The following CACNA1C variants were observed in gnomAD, a reference collection of about 807,000 sequenced individuals.
The protein encoded by CACNA1C is voltage-dependent L-type calcium channel subunit alpha-1C.
In CACNA1C, 30 loss-of-function variants were observed where a neutral mutation model predicts 229.0. That is an observed-to-expected ratio of 0.13 (90% CI 0.10 to 0.18). CACNA1C has a LOEUF of 0.18. Ranked by LOEUF, CACNA1C falls within the 10% of genes least tolerant of loss-of-function variation. The probability of loss-of-function intolerance (pLI) is 1.00; values close to 1 mark genes in which losing one functional copy is unlikely to be tolerated. For synonymous variants in CACNA1C, 1,114 were observed against 1,132.5 expected (o/e 0.98, Z 0.33); for missense variants, 1,658 against 2,845.0 (o/e 0.58, Z 9.49).
intron 1 of CACNA1C, chr12:1,991,279 A>C: frequency 2.2e-6 from 1 of 454,902 alleles, no homozygotes; most frequent in Non-Finnish European, 4.4e-6. Context: ...TCTACTCCAC[A>C]AAATTGTGAT....
Position 2,667,925 on chromosome 12 carries a change from C to A in CACNA1C, c.4624-1008C>A, listed in dbSNP as rs185685245. Among the ~76,000 whole-genome samples, 18 of 152,316 alleles carry A rather than the reference C, an allele frequency of 1.2e-4. No homozygotes were observed. In the East Asian group the frequency reaches 3.1e-3, roughly 26 times the overall value. ...TTCACACCGCGCTTGCTCGTCATGACCCATTGCATGCTGAAGGCCCCACAC... is the reference window on the plus strand; with the variant it reads ...TTCACACCGCGCTTGCTCGTCATGAACCATTGCATGCTGAAGGCCCCACAC... On this transcript the variant is annotated intron_variant, in intron 37 of 46. Coordinates refer to ENST00000399655, the MANE Select transcript of CACNA1C (RefSeq NM_000719.7).
intron 3 of CACNA1C, among the ~76,000 whole-genome samples, chr12:2,262,813 T>C (rs2080842532): frequency 6.6e-6 from 1 of 152,160 alleles, no homozygotes; most frequent in African/African-American, 2.4e-5. Flanking sequence ...TTAAATGTTA[T>C]CTGAATGCCC....
rs1228356316 is a variant in CACNA1C, at chr12:2,370,436, AGAG to A, written c.478-78536_478-78534del. Among the ~76,000 whole-genome samples, 7 of 152,362 alleles carry A rather than the reference AGAG, an allele frequency of 4.6e-5. No individual in the cohort carries two copies. In the South Asian group the frequency reaches 1.0e-3, roughly 23 times the overall value. On this transcript the variant is annotated intron_variant, in intron 3 of 46. Transcript: ENST00000399655. ...TCAGCTCATGTATAACAGCAAGAAA[AGAG>A]GAGAGAACCTAACATCAAAGGGGAA...
chr12:2,544,816 C>T (rs191522937), intron 9 of CACNA1C, among the ~76,000 whole-genome samples: 269 of 152,316 alleles, frequency 1.8e-3, no homozygotes, highest in Non-Finnish European at 2.9e-3. Flanking sequence ...TAGCCCAATT[C>T]GTTCAACTTT....
chr12:1,986,920 C>G (rs2037956011), intron 1 of CACNA1C, among the ~76,000 whole-genome samples: 1 of 152,078 alleles, frequency 6.6e-6, no homozygotes, highest in Non-Finnish European at 1.5e-5. Context: ...TTGGATGATG[C>G]CAGAAGTTCA....
intron 3 of CACNA1C, among the ~76,000 whole-genome samples, chr12:2,369,946 C>T (rs1050455024): frequency 1.3e-5 from 2 of 152,168 alleles, no homozygotes; most frequent in African/African-American, 4.8e-5. Flanking sequence ...AAGGCAAACA[C>T]ACACTGGGAA....
At chr12:2,044,485 C>T (rs1161170318) in intron 1 of CACNA1C, among the ~76,000 whole-genome samples, 1 of 152,128 alleles carries the variant, frequency 6.6e-6, no homozygotes, top group African/African-American at 2.4e-5. Context: ...CTTCCCCGCC[C>T]CCAGGTACTT....
chr12:2,658,994 A>T (rs773077399), intron 34 of CACNA1C, among the ~76,000 whole-genome samples: 1 of 152,264 alleles, frequency 6.6e-6, no homozygotes, highest in East Asian at 1.9e-4. Flanking sequence ...TTAAAAGTTT[A>T]TAAAGTAAAA....
At chr12:2,001,874 G>A (rs781418922) in intron 1 of CACNA1C, among the ~76,000 whole-genome samples, 2 of 152,116 alleles carry the variant, frequency 1.3e-5, no homozygotes, top group Non-Finnish European at 2.9e-5. Context: ...AACCAAAAAC[G>A]TCTCCAGACA....
chr12:2,003,765 CTCTT>C (rs1051300802), intron 1 of CACNA1C, among the ~76,000 whole-genome samples: 2 of 152,178 alleles, frequency 1.3e-5, no homozygotes, highest in African/African-American at 4.8e-5. Flanking sequence ...ACGAGGTTGG[CTCTT>C]TTCTTGGTGT....
chr12:2,007,886 T>C (rs559158160), intron 1 of CACNA1C, among the ~76,000 whole-genome samples: 3 of 152,322 alleles, frequency 2.0e-5, no homozygotes, highest in Admixed American at 2.0e-4. Context: ...CGATTTTTCT[T>C]GTGGCACTTA....
At chr12:2,439,295 CCT>C (rs1398250018) in intron 3 of CACNA1C, among the ~76,000 whole-genome samples, 2 of 152,164 alleles carry the variant, frequency 1.3e-5, no homozygotes, top group African/African-American at 2.4e-5. Context: ...TTGATCATGC[CCT>C]CTGTACTGTT....
intron 3 of CACNA1C, among the ~76,000 whole-genome samples, chr12:2,206,816 C>T (rs2097768599): frequency 6.6e-6 from 1 of 152,174 alleles, no homozygotes; most frequent in African/African-American, 2.4e-5. Context: ...CAGATTTATC[C>T]TGCAGACCAT....
intron 3 of CACNA1C, among the ~76,000 whole-genome samples, chr12:2,246,060 A>T (rs2073065399): frequency 6.6e-6 from 1 of 152,170 alleles, no homozygotes; most frequent in Admixed American, 6.5e-5. Context: ...TGGACATAGA[A>T]CCAGGCCCCC....
At chr12:2,400,480 C>T (rs138181880) in intron 3 of CACNA1C, among the ~76,000 whole-genome samples, 114 of 152,222 alleles carry the variant, frequency 7.5e-4, no homozygotes, top group Non-Finnish European at 1.3e-3. Flanking sequence ...CTCCTTTTAC[C>T]GAATAATTTC....
At chr12:2,185,111 C>T (rs2096957963) in intron 3 of CACNA1C, among the ~76,000 whole-genome samples, 1 of 152,186 alleles carries the variant, frequency 6.6e-6, no homozygotes, top group Non-Finnish European at 1.5e-5. Context: ...GTTCAAATGT[C>T]CCCACTGCCA....
intron 3 of CACNA1C, among the ~76,000 whole-genome samples, chr12:2,324,299 A>G (rs910252455): frequency 1.3e-5 from 2 of 152,182 alleles, no homozygotes; most frequent in Admixed American, 6.5e-5. Flanking sequence ...GAGGGGCCTG[A>G]CAAGTGTTCA....
chr12:2,108,999 A>G lies in CACNA1C; in HGVS notation c.50-6225A>G, dbSNP rs750922451. On this transcript the variant is annotated intron_variant, in intron 1 of 46. Coordinates refer to ENST00000399655, the MANE Select transcript of CACNA1C (RefSeq NM_000719.7). The surrounding 1 kb of genome is among the most constrained non-coding windows in gnomAD (Gnocchi z 5.3). ...AGAAGGCATTTCCTTTGCCCTGCAGAGATTGCTCAGTGGTCAGGACTTTAG... is the reference window on the plus strand; with the variant it reads ...AGAAGGCATTTCCTTTGCCCTGCAGGGATTGCTCAGTGGTCAGGACTTTAG... Among the ~76,000 whole-genome samples, 24 of 152,172 alleles carry G rather than the reference A, an allele frequency of 1.6e-4. No individual in the cohort carries two copies. Among genetic ancestry groups the G allele is most frequent in the Non-Finnish European group, 3.5e-4 (24 of 68,034 alleles).
intron 3 of CACNA1C, among the ~76,000 whole-genome samples, chr12:2,269,085 C>G (rs942225358): frequency 1.3e-5 from 2 of 152,158 alleles, no homozygotes; most frequent in African/African-American, 2.4e-5. Flanking sequence ...GAGTAGCGGG[C>G]ACATGATTAA....
Sources: gnomAD v4.1 joint callset for allele counts (sites outside exome capture counted in the v4.1 genomes callset) on GRCh38, gnomAD v4.1.1 for gene constraint, Gnocchi (gnomAD v3.1) non-coding constraint, MANE v1.5 for transcripts, NCBI Gene and HGNC (gene_info 2026-07-23, HGNC 2026-07-21) for gene names.